Variants in LRRTM4 observed in about 807,000 individuals in gnomAD.
LRRTM4 encodes leucine-rich repeat transmembrane neuronal protein 4.
A neutral mutation model predicts 47.6 loss-of-function variants in LRRTM4; 25 were observed. That is an observed-to-expected ratio of 0.53 (90% CI 0.38 to 0.73). The LOEUF is 0.73. Ranked by LOEUF, LRRTM4 falls within the 30% of genes least tolerant of loss-of-function variation. The probability of loss-of-function intolerance (pLI) is 0.00; values close to 1 mark genes in which losing one functional copy is unlikely to be tolerated. For synonymous variants in LRRTM4, 311 were observed against 269.5 expected (o/e 1.15, Z -1.51); for missense variants, 638 against 713.4 (o/e 0.89, Z 1.20).
At chr2:76,834,278 T>G (rs954652641) in intron 3 of LRRTM4, among the ~76,000 whole-genome samples, 3 of 151,662 alleles carry the variant, frequency 2.0e-5, no homozygotes, top group Admixed American at 2.0e-4. Flanking sequence ...CTCGAACTCC[T>G]GACCTCAGGT....
At chr2:77,344,917 C>A (rs1288419999) in intron 3 of LRRTM4, among the ~76,000 whole-genome samples, 1 of 151,418 alleles carries the variant, frequency 6.6e-6, no homozygotes, top group Non-Finnish European at 1.5e-5. Context: ...TACCAGATTT[C>A]TTTTCTCATG....
intron 3 of LRRTM4, among the ~76,000 whole-genome samples, chr2:76,940,435 A>G (rs1293503760): frequency 1.3e-5 from 2 of 152,148 alleles, no homozygotes; most frequent in Admixed American, 1.3e-4. Flanking sequence ...GTGCTAAATG[A>G]TAAGAACACA....
intron 3 of LRRTM4, among the ~76,000 whole-genome samples, chr2:77,350,154 C>T (rs1210210091): frequency 6.7e-6 from 1 of 148,258 alleles, no homozygotes; most frequent in Non-Finnish European, 1.5e-5. Flanking sequence ...AACCCCGTCT[C>T]TACTAAAAAA....
chr2:76,983,882 C>T (rs1201640791), intron 3 of LRRTM4, among the ~76,000 whole-genome samples: 1 of 152,012 alleles, frequency 6.6e-6, no homozygotes, highest in Non-Finnish European at 1.5e-5. Flanking sequence ...ATCGGTGATA[C>T]TGGGCCACAA....
At chr2:77,075,631 T>C (rs1305920933) in intron 3 of LRRTM4, among the ~76,000 whole-genome samples, 3 of 152,126 alleles carry the variant, frequency 2.0e-5, no homozygotes, top group East Asian at 3.9e-4. Context: ...GTTTTAAAAA[T>C]GGGGCCGGGC....
intron 3 of LRRTM4, among the ~76,000 whole-genome samples, chr2:77,473,015 A>C (rs1376118940): frequency 6.6e-6 from 1 of 152,194 alleles, no homozygotes; most frequent in Non-Finnish European, 1.5e-5. Context: ...AAATAGATAC[A>C]TACAAAAATT....
At chr2:77,163,717 T>A (rs895228047) in intron 3 of LRRTM4, among the ~76,000 whole-genome samples, 1 of 152,170 alleles carries the variant, frequency 6.6e-6, no homozygotes, top group Non-Finnish European at 1.5e-5. Flanking sequence ...CTAAGCTTCA[T>A]AAGTGAAGGA....
chr2:76,992,581 C>T (rs949569036), intron 3 of LRRTM4, among the ~76,000 whole-genome samples: 1 of 151,406 alleles, frequency 6.6e-6, no homozygotes, highest in Non-Finnish European at 1.5e-5. Context: ...GGTAAAAGAT[C>T]TGCACAAAGA....
chr2:77,291,508 A>G (rs1168741650), intron 3 of LRRTM4, among the ~76,000 whole-genome samples: 6 of 152,124 alleles, frequency 3.9e-5, no homozygotes. Context: ...ATATCACTAG[A>G]AATAAAGATT....
intron 3 of LRRTM4, among the ~76,000 whole-genome samples, chr2:77,157,867 C>T (rs983883285): frequency 1.3e-5 from 2 of 152,090 alleles, no homozygotes; most frequent in Non-Finnish European, 2.9e-5. Context: ...AGCATGCCAT[C>T]AGCAGACTCC....
chr2:76,895,187 C>G (rs1334489975), intron 3 of LRRTM4, among the ~76,000 whole-genome samples: 1 of 151,838 alleles, frequency 6.6e-6, no homozygotes, highest in Non-Finnish European at 1.5e-5. Flanking sequence ...TTATAGCATC[C>G]TGTGTTAATT....
chr2:77,521,131 AG>A (rs1679475665), intron 2 of LRRTM4, among the ~76,000 whole-genome samples: 1 of 151,870 alleles, frequency 6.6e-6, no homozygotes, highest in Non-Finnish European at 1.5e-5. Flanking sequence ...TCTCCCAGAC[AG>A]GAGAAAGGGG....
rs58469429 is a variant in LRRTM4, at chr2:76,873,506, GTATATATATATATA to G, written c.1552-124604_1552-124591del. Among the ~76,000 whole-genome samples the G allele has an allele frequency of 6.2e-5, 7 of 112,312 alleles. 1 individual carries two copies. The highest frequency in any genetic ancestry group is 2.5e-4 in the East Asian group (1 of 3,980). 73.7% of individuals were successfully genotyped at this position (112,312 alleles called of 152,430 possible). A position where few individuals can be genotyped will look rare whatever the true frequency, so the allele number is the denominator to read the frequency against. On this transcript the variant is annotated intron_variant, in intron 3 of 3. Transcript: ENST00000409884. ...TATGTGTGTGTGTATATATATGTGT[GTATATATATATATA>G]TATATATATATATACAACATAGTTG...
At chr2:77,159,486 T>C (rs922591199) in intron 3 of LRRTM4, among the ~76,000 whole-genome samples, 4 of 148,080 alleles carry the variant, frequency 2.7e-5, no homozygotes, top group African/African-American at 1.0e-4. Context: ...CAAACCTGCA[T>C]GTTGTGCACA....
At chr2:77,229,173 A>T (rs1412136025) in intron 3 of LRRTM4, among the ~76,000 whole-genome samples, 1 of 152,000 alleles carries the variant, frequency 6.6e-6, no homozygotes, top group East Asian at 1.9e-4. Flanking sequence ...TTTTTTGCTT[A>T]ATGATACTTG....
In LRRTM4 at chr2:77,478,863, A is replaced by G. The variant is rs75962590; in HGVS notation, c.1551+39455T>C. On this transcript the variant is annotated intron_variant, in intron 3 of 3. Transcript: ENST00000409884. ...CATCTTGATTCACCTCCTACAGTGAATGATCTTTCTGTAATTCAGTTTTTT... is the reference window on the plus strand; with the variant it reads ...CATCTTGATTCACCTCCTACAGTGAGTGATCTTTCTGTAATTCAGTTTTTT... Among the ~76,000 whole-genome samples, 29 of 152,294 alleles carry G rather than the reference A, an allele frequency of 1.9e-4. No homozygotes were observed. In the East Asian group the frequency reaches 5.6e-3, roughly 29 times the overall value.
At chr2:76,805,208 C>T (rs1006852660) in intron 3 of LRRTM4, among the ~76,000 whole-genome samples, 2 of 151,962 alleles carry the variant, frequency 1.3e-5, no homozygotes, top group African/African-American at 4.8e-5. Flanking sequence ...TGAAATTCCA[C>T]TTGTGGGAAA....
At chr2:77,318,028 A>G (rs1437040426) in intron 3 of LRRTM4, among the ~76,000 whole-genome samples, 29 of 100,650 alleles carry the variant, frequency 2.9e-4, no homozygotes, top group Non-Finnish European at 1.6e-4. Context: ...TTTTTTTTAG[A>G]CGGAGTCTCG....
At chr2:77,006,259 C>T (rs1235473124) in intron 3 of LRRTM4, among the ~76,000 whole-genome samples, 2 of 151,946 alleles carry the variant, frequency 1.3e-5, no homozygotes, top group Non-Finnish European at 2.9e-5. Flanking sequence ...TAATCTGGAC[C>T]CTAACACTTT....
Sources: allele counts gnomAD v4.1 joint callset (sites outside exome capture counted in the v4.1 genomes callset), GRCh38; gene constraint gnomAD v4.1.1; transcripts MANE v1.5; gene names NCBI Gene and HGNC (gene_info 2026-07-23, HGNC 2026-07-21).